PLCZ1: variants seen among roughly 807,000 people sequenced by gnomAD.
PLCZ1 encodes the protein phospholipase C zeta 1.
In PLCZ1, 64 loss-of-function variants were observed where a neutral mutation model predicts 76.8. The ratio of observed to expected loss-of-function variants is 0.83; its 90% CI spans 0.68 to 1.03. PLCZ1 has a LOEUF of 1.03. PLCZ1 is among the 50% of genes least tolerant of loss of function. PLCZ1 has a pLI of 0.00. For synonymous variants in PLCZ1, 248 were observed against 230.8 expected (o/e 1.07, Z -0.68); for missense variants, 751 against 713.7 (o/e 1.05, Z -0.60).
At chr12:18,692,046 G>A (rs2137129275) in intron 12 of PLCZ1, among the ~76,000 whole-genome samples, 1 of 152,260 alleles carries the variant, frequency 6.6e-6, no homozygotes, top group East Asian at 1.9e-4. Context: ...GTGGAAAAAG[G>A]AGCTGAGCCA....
intron 3 of PLCZ1, among the ~76,000 whole-genome samples, chr12:18,730,026 T>A (rs1958956814): frequency 6.6e-6 from 1 of 152,142 alleles, no homozygotes. Flanking sequence ...TCATACATAA[T>A]ATCTTATTTA....
rs752149477 is a variant in PLCZ1 at position 18,736,317 on chromosome 12, G to A, written c.39C>T (p.Asp13=). ...CTAGGTTAATTTTTCCACCTCTGAA[G>A]TCATCCTGAATCTTTGACAAAAACC... ...MRWFLSKIQD[D]FRGGKINLEK... is the part of the protein sequence containing the mutation. Residue 13 remains aspartate, a synonymous_variant, in exon 3 of 15, where the codon GAC becomes GAT. Transcript: ENST00000266505. The A allele has an allele frequency of 5.6e-6, 9 of 1,612,406 alleles. No homozygotes were observed. Among genetic ancestry groups the A allele is most frequent in the Admixed American group, 5.0e-5 (3 of 59,936 alleles).
intron 12 of PLCZ1, 44 bp from the exon 13 acceptor site, chr12:18,688,262 G>GT (rs1953485782): frequency 3.2e-6 from 5 of 1,552,376 alleles, no homozygotes; most frequent in Non-Finnish European, 3.5e-6. Flanking sequence ...AAGATATTAA[G>GT]TTACATCACC....
chr12:18,692,624 G>T, intron 12 of PLCZ1: 1 of 576,986 alleles, frequency 1.7e-6, no homozygotes, highest in Non-Finnish European at 3.1e-6. Flanking sequence ...GAGGTCAACC[G>T]CAATGGGGCA....
In PLCZ1 at chr12:18,696,237, AC is replaced by A; in HGVS notation, c.1203del (p.Lys401AsnfsTer26). 1 of 1,593,566 alleles carries A rather than the reference AC, an allele frequency of 6.3e-7. No homozygotes were observed. Among genetic ancestry groups the A allele is most frequent in the Non-Finnish European group, 8.6e-7 (1 of 1,165,690 alleles). On this transcript the variant is annotated frameshift_variant, in exon 11 of 15. Transcript: ENST00000266505. LOFTEE classifies it high-confidence loss of function. ...GCTTTGGGATATATTCTGGTAATGA[AC>A]TTCCTGGTGTGAAAAATAAACTCAT... ...RVHEFIFHTR[K>X]FITRIYPKAT... is the part of the protein sequence containing the mutation.
intron 6 of PLCZ1, among the ~76,000 whole-genome samples, chr12:18,712,250 T>G (rs980122310): frequency 2.0e-5 from 3 of 152,176 alleles, no homozygotes; most frequent in African/African-American, 7.2e-5. Context: ...AAACCAGTGT[T>G]ATTTAGAACT....
At chr12:18,708,231 A>G (rs1956863874) in intron 6 of PLCZ1, among the ~76,000 whole-genome samples, 1 of 151,942 alleles carries the variant, frequency 6.6e-6, no homozygotes, top group Admixed American at 6.6e-5. Flanking sequence ...TGTACATTTG[A>G]GAGTTTTTTT....
intron 4 of PLCZ1, 53 bp from the exon 5 acceptor site, chr12:18,719,685 G>A: frequency 3.1e-6 from 4 of 1,281,990 alleles, no homozygotes; most frequent in Non-Finnish European, 4.3e-6. Context: ...CCATTAGCAA[G>A]ATAAAAAACT....
At chr12:18,692,655 G>GA (rs574788844) in intron 12 of PLCZ1, 71 of 637,286 alleles carry the variant, frequency 1.1e-4, no homozygotes, top group Non-Finnish European at 1.8e-4. Context: ...TTATGCAGGA[G>GA]AAAAAAATCA....
At chr12:18,728,705 C>A (rs554446700) in intron 3 of PLCZ1, among the ~76,000 whole-genome samples, 2 of 152,034 alleles carry the variant, frequency 1.3e-5, no homozygotes, top group Admixed American at 1.3e-4. Context: ...GCATTTATGA[C>A]CTAAAAAGAT....
the PLCZ1 span, among the ~76,000 whole-genome samples, chr12:18,650,329 C>CTATATA: frequency 4.6e-4 from 38 of 82,426 alleles, no homozygotes; most frequent in African/African-American, 7.2e-4. Context: ...CTCTCTCTCT[C>CTATATA]TCTATATATA....
In PLCZ1 at chr12:18,697,494, T is replaced by G. The variant is rs552163602; in HGVS notation, c.1175-1228A>C. On this transcript the variant is annotated intron_variant, in intron 10 of 14. Coordinates refer to ENST00000266505, the MANE Select transcript of PLCZ1 (RefSeq NM_033123.4). ...CAAAGTAATAAATGTGAATGATGAC[T>G]AAGGTCTCATAACATAATATGATTT... Among the ~76,000 whole-genome samples, 3 of 152,278 alleles carry G rather than the reference T, an allele frequency of 2.0e-5. No homozygotes were observed. The South Asian group carries it at 6.2e-4, about 32-fold the overall frequency.
intron 7 of PLCZ1, among the ~76,000 whole-genome samples, chr12:18,704,472 G>A (rs1463673058): frequency 6.6e-6 from 1 of 151,968 alleles, no homozygotes; most frequent in Non-Finnish European, 1.5e-5. Flanking sequence ...ATTACAGGTG[G>A]ATGCCACGAC....
At chr12:18,647,757 C>T in the PLCZ1 span, 1 of 452,550 alleles carries the variant, frequency 2.2e-6, no homozygotes, top group African/African-American at 2.0e-5. Context: ...TGACATTAAC[C>T]TATCTATTCC....
chr12:18,716,491 G>A (rs183766398), intron 5 of PLCZ1, among the ~76,000 whole-genome samples: 1 of 152,302 alleles, frequency 6.6e-6, no homozygotes, highest in African/African-American at 2.4e-5. Flanking sequence ...TAATGGTGAT[G>A]TTGAGGACAC....
chr12:18,680,107 G>A (rs1045930417), downstream of PLCZ1, among the ~76,000 whole-genome samples: 6 of 151,962 alleles, frequency 3.9e-5, no homozygotes, highest in Admixed American at 3.3e-4. Flanking sequence ...TAATTAAACA[G>A]ATGTTTTTGC....
chr12:18,649,516 TC>T, the PLCZ1 span, among the ~76,000 whole-genome samples: 1 of 152,138 alleles, frequency 6.6e-6, no homozygotes, highest in Non-Finnish European at 1.5e-5. Context: ...TAAAACTTTC[TC>T]GTTACCCCAC....
the PLCZ1 span, among the ~76,000 whole-genome samples, chr12:18,655,712 G>GT: frequency 2.7e-5 from 4 of 150,108 alleles, no homozygotes; most frequent in African/African-American, 9.8e-5. Flanking sequence ...TACCTCTGAG[G>GT]TTTTCCTCCC....
At chr12:18,711,883 C>T (rs752205883) in intron 6 of PLCZ1, among the ~76,000 whole-genome samples, 1 of 151,864 alleles carries the variant, frequency 6.6e-6, no homozygotes, top group Non-Finnish European at 1.5e-5. Flanking sequence ...GAATCAGTGC[C>T]ATACTCTCAA....
Sources: gnomAD v4.1 joint callset for allele counts (sites outside exome capture counted in the v4.1 genomes callset) on GRCh38, gnomAD v4.1.1 for gene constraint, MANE v1.5 for transcripts, NCBI Gene and HGNC (gene_info 2026-07-23, HGNC 2026-07-21) for gene names.